COL5A1: variants seen among roughly 807,000 people sequenced by gnomAD.
COL5A1 encodes collagen alpha-1(V) chain.
In COL5A1, 16 loss-of-function variants were observed where a neutral mutation model predicts 263.7. That is an observed-to-expected ratio of 0.06 (90% CI 0.04 to 0.09). The LOEUF (loss-of-function observed/expected upper bound fraction) is 0.09, where lower values mean the gene tolerates loss of function less well. COL5A1 is among the 10% of genes least tolerant of loss of function. The probability of loss-of-function intolerance (pLI) is 1.00; values close to 1 mark genes in which losing one functional copy is unlikely to be tolerated. For synonymous variants in COL5A1, 1,012 were observed against 1,004.5 expected, an observed-to-expected ratio of 1.01 and a Z score of -0.14; for missense variants, 2,036 against 2,540.5, an observed-to-expected ratio of 0.80 and a Z score of 4.27.
Position 134,830,059 on chromosome 9 carries a change from G to A in COL5A1, c.5136+15G>A. On this transcript the variant is annotated intron_variant, in intron 64 of 65. Transcript: ENST00000371817. Reference sequence around the variant, plus strand: ...GTGGGAAACTGGTAAGGTGGCCTCTGGCGTCTTTGCGGTTGTCACTTTAAA... The same window carrying A: ...GTGGGAAACTGGTAAGGTGGCCTCTAGCGTCTTTGCGGTTGTCACTTTAAA... 1.9e-6 allele frequency: 3 copies of A among 1,613,916 alleles called. No homozygotes were observed. Among genetic ancestry groups the A allele is most frequent in the Non-Finnish European group, 2.5e-6 (3 of 1,179,936 alleles).
In COL5A1 at chr9:134,642,564, G is replaced by T. The variant is rs2132455789; in HGVS notation, c.109+268G>T. On this transcript the variant is annotated intron_variant, in intron 1 of 65. Transcript: ENST00000371817. The surrounding 1 kb of genome is among the most constrained non-coding windows in gnomAD (Gnocchi z 4.5). ...CGAGGAAGGACCGAGGGCTGGATCAGCAGGAGGGGTTGTCCACGAGGCGGG... is the reference window on the plus strand; with the variant it reads ...CGAGGAAGGACCGAGGGCTGGATCATCAGGAGGGGTTGTCCACGAGGCGGG... 6.6e-6 allele frequency among the ~76,000 whole-genome samples: 1 copy of T among 152,320 alleles called. No homozygotes were observed. Among genetic ancestry groups the T allele is most frequent in the African/African-American group, 2.4e-5 (1 of 41,594 alleles).
At chr9:134,690,682 G>A (rs1408348717) in intron 1 of COL5A1, among the ~76,000 whole-genome samples, 1 of 152,104 alleles carries the variant, frequency 6.6e-6, no homozygotes, top group Non-Finnish European at 1.5e-5. Flanking sequence ...GCTAGCCTGG[G>A]TCTGCCCCCG....
At chr9:134,643,368 G>A (rs1329443362) in intron 1 of COL5A1, among the ~76,000 whole-genome samples, 1 of 152,172 alleles carries the variant, frequency 6.6e-6, no homozygotes, top group Non-Finnish European at 1.5e-5. Context: ...ATGGGACGGT[G>A]GGCTCAGCGA....
At chr9:134,806,083 G>C in intron 41 of COL5A1, 106 bp from the exon 42 acceptor site, 1 of 835,812 alleles carries the variant, frequency 1.2e-6, no homozygotes, top group South Asian at 1.4e-5. Flanking sequence ...GCCACTGTGG[G>C]CTCTAGAGTG....
intron 28 of COL5A1, among the ~76,000 whole-genome samples, chr9:134,780,776 C>T (rs116422264): frequency 1.1e-4 from 16 of 152,330 alleles, no homozygotes; most frequent in East Asian, 3.9e-4. Context: ...GCTGCGTGGC[C>T]GGCCACCTTT....
chr9:134,835,273 G>A (rs1040870942), intron 65 of COL5A1, 69 bp downstream of exon 65: 48 of 1,380,430 alleles, frequency 3.5e-5, no homozygotes, highest in African/African-American at 4.3e-5. Context: ...CACTCAGCAC[G>A]GGTTTACCTG....
intron 17 of COL5A1, among the ~76,000 whole-genome samples, 175 bp downstream of exon 17, chr9:134,756,993 G>T (rs1836001978): frequency 6.6e-6 from 1 of 152,168 alleles, no homozygotes; most frequent in Admixed American, 6.5e-5. Flanking sequence ...CAGCAAGCGT[G>T]ACAGTTGCAG....
At chr9:134,706,096 G>A (rs1469794530) in intron 4 of COL5A1, among the ~76,000 whole-genome samples, 1 of 152,212 alleles carries the variant, frequency 6.6e-6, no homozygotes, top group East Asian at 1.9e-4. Context: ...GTGTCTCCTA[G>A]GATGGGGTGG....
At chr9:134,831,489 G>A (rs751890890) in intron 64 of COL5A1, among the ~76,000 whole-genome samples, 5 of 152,086 alleles carry the variant, frequency 3.3e-5, no homozygotes, top group East Asian at 1.9e-4. Flanking sequence ...TGAAACACCC[G>A]GGGACAGGGA....
At chr9:134,722,437 T>C (rs1834497584) in intron 4 of COL5A1, among the ~76,000 whole-genome samples, 1 of 152,216 alleles carries the variant, frequency 6.6e-6, no homozygotes, top group Non-Finnish European at 1.5e-5. Flanking sequence ...CAGCACCTTA[T>C]GCAGGGCCTG....
chr9:134,786,174 T>C lies in COL5A1; in HGVS notation c.2646+126T>C, dbSNP rs12005720. The C allele has an allele frequency of 0.12, 113,101 of 927,386 alleles. 7,742 individuals carry two copies. The highest frequency in any genetic ancestry group is 0.2 in the African/African-American group (12,382 of 60,788). 57.4% of individuals were successfully genotyped at this position (927,386 alleles called of 1,614,324 possible). ...GGAAGGATGTTCTGCCGATAACTTC[T>C]GGCCATGTTACGTGTCCTGGTGCAG... is the stretch of plus-strand genomic sequence containing the variant. On this transcript the variant is annotated intron_variant, in intron 31 of 65. Transcript: ENST00000371817.
At chr9:134,713,619 C>T (rs1484081718) in intron 4 of COL5A1, among the ~76,000 whole-genome samples, 2 of 152,156 alleles carry the variant, frequency 1.3e-5, no homozygotes, top group African/African-American at 2.4e-5. Context: ...ATTGTACAAG[C>T]GCAGGGCCAG....
intron 4 of COL5A1, among the ~76,000 whole-genome samples, chr9:134,715,356 G>A (rs772599727): frequency 1.3e-5 from 2 of 152,132 alleles, no homozygotes; most frequent in Non-Finnish European, 2.9e-5. Context: ...TATACAATCC[G>A]GTTTTACACC....
At chr9:134,646,499 G>C (rs1317624753) in intron 1 of COL5A1, among the ~76,000 whole-genome samples, 4 of 152,180 alleles carry the variant, frequency 2.6e-5, no homozygotes, top group Non-Finnish European at 5.9e-5. Context: ...AGCTCTCCTG[G>C]GCGGCTCCCT....
chr9:134,796,237 A>T, intron 34 of COL5A1, 137 bp from the exon 35 acceptor site: 1 of 921,364 alleles, frequency 1.1e-6, no homozygotes, highest in Non-Finnish European at 1.8e-6. Context: ...TCTGCCCCTT[A>T]CTGAGGGTCA....
At chr9:134,752,732 T>C (rs958350500) in intron 14 of COL5A1, 87 bp downstream of exon 14, 127 of 1,057,410 alleles carry the variant, frequency 1.2e-4, no homozygotes, top group Non-Finnish European at 1.8e-4. Flanking sequence ...CAGGTGGCCC[T>C]GGGGTCCTGT....
chr9:134,784,790 G>A lies in COL5A1; in HGVS notation c.2485-199G>A, dbSNP rs141771518. On this transcript the variant is annotated intron_variant, in intron 29 of 65. Transcript: ENST00000371817. Reference sequence around the variant, plus strand: ...AGCTTCCGCAGAGCCCGGGAGCCCGGGAATTCGCGGTACAATGCGCTCGCT... The same window carrying A: ...AGCTTCCGCAGAGCCCGGGAGCCCGAGAATTCGCGGTACAATGCGCTCGCT... 7.0e-3 allele frequency among the ~76,000 whole-genome samples: 1,071 copies of A among 152,378 alleles called. 10 individuals carry two copies. The highest frequency in any genetic ancestry group is 0.024 in the South Asian group (117 of 4,828).
intron 26 of COL5A1, among the ~76,000 whole-genome samples, chr9:134,774,444 G>A (rs72774443): frequency 0.022 from 3,361 of 152,318 alleles, 34 homozygotes; most frequent in East Asian, 0.039. Flanking sequence ...TCTCTTCCCT[G>A]TCTAGCAGCC....
At chr9:134,768,682 G>A (rs545177538) in intron 25 of COL5A1, among the ~76,000 whole-genome samples, 10 of 152,332 alleles carry the variant, frequency 6.6e-5, no homozygotes, top group South Asian at 2.1e-4. Flanking sequence ...TGGCGATTGC[G>A]CGAGTAGGAA....
Sources: allele counts gnomAD v4.1 joint callset (sites outside exome capture counted in the v4.1 genomes callset), GRCh38; gene constraint gnomAD v4.1.1; non-coding constraint Gnocchi (gnomAD v3.1); transcripts MANE v1.5; gene names NCBI Gene and HGNC (gene_info 2026-07-23, HGNC 2026-07-21).